SEC24D: variants seen among roughly 807,000 people sequenced by gnomAD.
SEC24D encodes protein transport protein Sec24D.
Under a neutral mutation model 116.9 loss-of-function variants are expected in SEC24D, and 69 were observed. That is an observed-to-expected ratio of 0.59 (90% CI 0.49 to 0.72). The LOEUF (loss-of-function observed/expected upper bound fraction) is 0.72, where lower values mean the gene tolerates loss of function less well. Among genes scored for constraint, SEC24D ranks in the 30% least tolerant of loss-of-function variants. SEC24D has a pLI of 0.00. For missense variants in SEC24D, 1,131 were observed against 1,264.1 expected, an observed-to-expected ratio of 0.89 and a Z score of 1.60; for synonymous variants, 405 against 442.8, an observed-to-expected ratio of 0.91 and a Z score of 1.07.
chr4:118,726,693 C>T (rs1403673519), intron 22 of SEC24D, among the ~76,000 whole-genome samples: 1 of 152,120 alleles, frequency 6.6e-6, no homozygotes, highest in African/African-American at 2.4e-5. Context: ...ACATTTGGAG[C>T]ACAGAGAACT....
At chr4:118,754,243 AACT>A (rs1349909683) in intron 11 of SEC24D, 1 of 152,136 alleles carries the variant, frequency 6.6e-6, no homozygotes. Flanking sequence ...TATTCTTTCT[AACT>A]ACACATACAA....
intron 8 of SEC24D, among the ~76,000 whole-genome samples, chr4:118,785,290 T>C (rs1313168258): frequency 6.6e-6 from 1 of 152,226 alleles, no homozygotes; most frequent in African/African-American, 2.4e-5. Flanking sequence ...TGATATTATA[T>C]GATTAAAATA....
Position 118,732,812 on chromosome 4 carries a change from C to T in SEC24D, c.2597G>A (p.Arg866Gln), listed in dbSNP as rs143064954. 9.9e-6 allele frequency: 16 copies of T among 1,613,942 alleles called. No homozygotes were observed. In the Admixed American group the frequency reaches 1.0e-4, roughly 10 times the overall value. ...LSRPEISTDE[R>Q]AYQRQLVMTM... ...CATGACCAGCTGTCTCTGGTATGCT[C>T]GTTCATCAGTTGAGATCTCTGGTCT... Residue 866 changes from arginine (R) to glutamine (Q), a missense_variant, in exon 20 of 23, where the codon CGA (arginine) becomes CAA (glutamine). Coordinates refer to ENST00000280551, the MANE Select transcript of SEC24D (RefSeq NM_014822.4).
chr4:118,771,203 AT>A (rs1727885678), intron 8 of SEC24D, among the ~76,000 whole-genome samples: 1 of 152,194 alleles, frequency 6.6e-6, no homozygotes, highest in Non-Finnish European at 1.5e-5. Flanking sequence ...TTTTCAAAAA[AT>A]TGCCTAAGTT....
At chr4:118,791,798 T>C (rs915706268) in intron 8 of SEC24D, among the ~76,000 whole-genome samples, 2 of 152,198 alleles carry the variant, frequency 1.3e-5, no homozygotes, top group African/African-American at 2.4e-5. Context: ...AGTGCCGGGA[T>C]TGCAGACGGA....
chr4:118,743,961 C>A (rs1553923193), intron 15 of SEC24D, 27 bp downstream of exon 15: 2 of 1,575,612 alleles, frequency 1.3e-6, no homozygotes, highest in East Asian at 2.3e-5. Context: ...AGTAGAAGAC[C>A]AAGGTGAACA....
chr4:118,732,700 C>T lies in SEC24D; in HGVS notation c.2676+33G>A, dbSNP rs768981962. ...ACAAAATATGATTCCCTTCCAGCCT[C>T]CTCTGGGAAATGCACCACCCCAGCA... On this transcript the variant is annotated intron_variant, in intron 20 of 22. Coordinates refer to ENST00000280551, the MANE Select transcript of SEC24D (RefSeq NM_014822.4). The T allele has an allele frequency of 3.4e-5, 55 of 1,600,394 alleles. 1 individual carries two copies. In the Admixed American group the frequency reaches 3.9e-4, roughly 11 times the overall value.
At chr4:118,809,610 C>G (rs940978127) in intron 6 of SEC24D, among the ~76,000 whole-genome samples, 2 of 152,104 alleles carry the variant, frequency 1.3e-5, no homozygotes, top group African/African-American at 4.8e-5. Context: ...TATAAGGGTC[C>G]TGGATGAGTC....
rs975771478 is a variant in SEC24D at position 118,752,183 on chromosome 4, T to A, written c.1614-94A>T. 1.0e-5 allele frequency: 8 copies of A among 803,560 alleles called. No individual in the cohort carries two copies. In the African/African-American group the frequency reaches 1.4e-4, roughly 14 times the overall value. 49.8% of individuals were successfully genotyped at this position (803,560 alleles called of 1,614,324 possible). ...CACTAACATTTCAAGCCTAAACACA[T>A]ATGGTATTTATTTGACACCAACACC... On this transcript the variant is annotated intron_variant, in intron 12 of 22. Coordinates refer to ENST00000280551, the MANE Select transcript of SEC24D (RefSeq NM_014822.4).
chr4:118,827,642 C>T (rs1730641636), intron 2 of SEC24D, among the ~76,000 whole-genome samples: 1 of 152,188 alleles, frequency 6.6e-6, no homozygotes, highest in Non-Finnish European at 1.5e-5. Context: ...CAGCACACCT[C>T]TGGGAGACTC....
At chr4:118,788,173 G>A (rs915253529) in intron 8 of SEC24D, among the ~76,000 whole-genome samples, 1 of 152,154 alleles carries the variant, frequency 6.6e-6, no homozygotes, top group Non-Finnish European at 1.5e-5. Context: ...AACTGAAAGT[G>A]CTATACATAT....
chr4:118,810,982 A>G (rs867789764), intron 6 of SEC24D, among the ~76,000 whole-genome samples: 7 of 152,212 alleles, frequency 4.6e-5, no homozygotes, highest in African/African-American at 1.7e-4. Context: ...AGAACGGAGT[A>G]AACAGATGTG....
intron 20 of SEC24D, 48 bp from the exon 21 acceptor site, chr4:118,731,555 C>G (rs745635794): frequency 1.3e-6 from 2 of 1,494,452 alleles, no homozygotes; most frequent in Admixed American, 1.7e-5. Context: ...CTTCCCCTTC[C>G]CTTCCCTCCT....
At chr4:118,738,082 T>G in intron 19 of SEC24D, 179 bp downstream of exon 19, 1 of 519,960 alleles carries the variant, frequency 1.9e-6, no homozygotes, top group Non-Finnish European at 3.5e-6. Context: ...TTTTTAAATG[T>G]TGGCTATAAA....
In SEC24D at chr4:118,833,704, A is replaced by G; in HGVS notation, c.-8T>C. ...GTAACCTTGTTGACTCATTATGAAA[A>G]TATCATTCCATAGGATAATTCTACA... On this transcript the variant is annotated 5_prime_UTR_variant, in exon 2 of 23. Transcript: ENST00000280551. 3.2e-6 allele frequency: 5 copies of G among 1,566,982 alleles called. No homozygotes were observed. Among genetic ancestry groups the G allele is most frequent in the Non-Finnish European group, 4.4e-6 (5 of 1,139,804 alleles).
chr4:118,801,005 T>TAAAG lies in SEC24D; in HGVS notation c.914-3196_914-3195insCTTT, dbSNP rs1487859964. On this transcript the variant is annotated intron_variant, in intron 7 of 22. Coordinates refer to ENST00000280551, the MANE Select transcript of SEC24D (RefSeq NM_014822.4). ...GGCCAGTCACGGTGGCTCACGCCTGTAATCCCAGCACTTTGGAAGGCCGAG... is the reference window on the plus strand; with the variant it reads ...GGCCAGTCACGGTGGCTCACGCCTGTAAAGAATCCCAGCACTTTGGAAGGCCGAG... Among the ~76,000 whole-genome samples, 5 of 152,240 alleles carry TAAAG rather than the reference T, an allele frequency of 3.3e-5. No homozygotes were observed. In the East Asian group the frequency reaches 9.7e-4, roughly 29 times the overall value.
chr4:118,810,154 G>A lies in SEC24D; in HGVS notation c.802-4200C>T, dbSNP rs115665083. 2.6e-3 allele frequency among the ~76,000 whole-genome samples: 387 copies of A among 147,952 alleles called. 4 individuals carry two copies. The highest frequency in any genetic ancestry group is 8.9e-3 in the African/African-American group (358 of 40,024). ...TGTGTGTGTCAGAGGGTATAGGGGA[G>A]CCAGGGGTGGCAAATAATGTAGGGT... is the stretch of plus-strand genomic sequence containing the variant. On this transcript the variant is annotated intron_variant, in intron 6 of 22. Coordinates refer to ENST00000280551, the MANE Select transcript of SEC24D (RefSeq NM_014822.4).
chr4:118,792,682 C>A (rs1324657894), intron 8 of SEC24D, among the ~76,000 whole-genome samples: 1 of 152,106 alleles, frequency 6.6e-6, no homozygotes, highest in African/African-American at 2.4e-5. Flanking sequence ...TAAACAGATG[C>A]TTGAAGGCAG....
rs143562782 is a variant in SEC24D at position 118,752,208 on chromosome 4, C to A, written c.1614-119G>T. On this transcript the variant is annotated intron_variant, in intron 12 of 22. Transcript: ENST00000280551. Reference sequence around the variant, plus strand: ...TATGGTATTTATTTGACACCAACACCTATAGGTAATTTTTCCTTAGGAAAT... The same window carrying A: ...TATGGTATTTATTTGACACCAACACATATAGGTAATTTTTCCTTAGGAAAT... 2.4e-3 allele frequency: 1,558 copies of A among 642,928 alleles called. 10 individuals are homozygous for A. Among genetic ancestry groups the A allele is most frequent in the Middle Eastern group, 0.011 (41 of 3,596 alleles). 39.8% of individuals were successfully genotyped at this position (642,928 alleles called of 1,614,324 possible).
Sources: allele counts gnomAD v4.1 joint callset (sites outside exome capture counted in the v4.1 genomes callset), GRCh38; gene constraint gnomAD v4.1.1; transcripts MANE v1.5; gene names NCBI Gene and HGNC (gene_info 2026-07-23, HGNC 2026-07-21).